ZNF565: variants seen among roughly 807,000 people sequenced by gnomAD.
ZNF565 encodes the protein zinc finger protein 565.
ZNF565 carries 27 observed loss-of-function variants against 39.4 expected under a neutral mutation model. The ratio of observed to expected loss-of-function variants is 0.69; its 90% CI spans 0.51 to 0.95. ZNF565 has a LOEUF of 0.95. Ranked by LOEUF, ZNF565 falls within the 40% of genes least tolerant of loss-of-function variation. The pLI is 0.00. For synonymous variants in ZNF565, 185 were observed against 216.6 expected (o/e 0.85, Z 1.28); for missense variants, 524 against 621.1 (o/e 0.84, Z 1.66).
chr19:36,203,164 G>A (rs997865591), intron 1 of ZNF565, among the ~76,000 whole-genome samples: 2 of 151,910 alleles, frequency 1.3e-5, no homozygotes, highest in African/African-American at 2.4e-5. Flanking sequence ...GAGAAACCCC[G>A]TCTCAACTAA....
intron 1 of ZNF565, among the ~76,000 whole-genome samples, chr19:36,233,997 C>G: frequency 6.6e-6 from 1 of 152,184 alleles, no homozygotes; most frequent in Non-Finnish European, 1.5e-5. Flanking sequence ...AAACCTTGGA[C>G]AATACCTGGC....
At chr19:36,215,218 T>C (rs1195357024), upstream of ZNF565, 1 of 152,300 alleles carries the variant, frequency 6.6e-6, no homozygotes, top group African/African-American at 2.4e-5. Context: ...GCGTCTCGGG[T>C]CGGTCGGACC....
intron 1 of ZNF565, among the ~76,000 whole-genome samples, chr19:36,244,509 C>T (rs1203044320): frequency 6.6e-6 from 1 of 151,974 alleles, no homozygotes; most frequent in Non-Finnish European, 1.5e-5. Flanking sequence ...ATCGTGCACT[C>T]CGACCTGGGC....
intron 4 of ZNF565, among the ~76,000 whole-genome samples, chr19:36,193,430 TTTTC>T (rs1207619235): frequency 2.0e-5 from 3 of 150,824 alleles, no homozygotes; most frequent in Non-Finnish European, 4.4e-5. Flanking sequence ...GAAAATAAGT[TTTTC>T]TTTTTTCTTT....
intron 1 of ZNF565, among the ~76,000 whole-genome samples, chr19:36,242,333 C>T (rs550611192): frequency 2.6e-5 from 4 of 152,072 alleles, no homozygotes; most frequent in African/African-American, 4.8e-5. Flanking sequence ...TGACTGAACA[C>T]GGGAGGTGGA....
intron 1 of ZNF565, among the ~76,000 whole-genome samples, chr19:36,211,431 C>T (rs541027874): frequency 1.5e-5 from 2 of 134,426 alleles, no homozygotes; most frequent in South Asian, 4.9e-4. Flanking sequence ...GCAACAAGAG[C>T]CAAACTCCAA....
At chr19:36,191,193 C>T (rs2145313715) in intron 4 of ZNF565, among the ~76,000 whole-genome samples, 1 of 151,242 alleles carries the variant, frequency 6.6e-6, no homozygotes, top group East Asian at 1.9e-4. Context: ...CCACAGATTG[C>T]AGTTTGCCGA....
At chr19:36,231,303 G>A (rs1261784620) in intron 1 of ZNF565, among the ~76,000 whole-genome samples, 15 of 151,726 alleles carry the variant, frequency 9.9e-5, no homozygotes, top group Admixed American at 7.9e-4. Flanking sequence ...TCTGCCTCCC[G>A]GGTTCAAGTG....
intron 4 of ZNF565, among the ~76,000 whole-genome samples, chr19:36,189,262 C>T (rs1371731414): frequency 6.6e-6 from 1 of 151,978 alleles, no homozygotes; most frequent in Non-Finnish European, 1.5e-5. Flanking sequence ...ACACTCCAGC[C>T]TGGGCAACAG....
intron 1 of ZNF565, among the ~76,000 whole-genome samples, chr19:36,230,864 C>T (rs995739310): frequency 2.0e-5 from 3 of 152,042 alleles, no homozygotes; most frequent in Non-Finnish European, 4.4e-5. Context: ...TACAGTGGTG[C>T]GATCTCGGCT....
At chr19:36,222,290 G>A (rs912235967) in intron 1 of ZNF565, among the ~76,000 whole-genome samples, 4 of 152,122 alleles carry the variant, frequency 2.6e-5, no homozygotes, top group Non-Finnish European at 4.4e-5. Flanking sequence ...TAAATAAGAT[G>A]TCATTATTTG....
intron 4 of ZNF565, among the ~76,000 whole-genome samples, chr19:36,188,532 C>T (rs1056915339): frequency 6.0e-5 from 9 of 151,158 alleles, no homozygotes; most frequent in East Asian, 5.9e-4. Context: ...GCCAATGTGG[C>T]GAAACCCCGT....
intron 1 of ZNF565, among the ~76,000 whole-genome samples, chr19:36,234,191 C>T (rs545726891): frequency 6.6e-6 from 1 of 152,284 alleles, no homozygotes; most frequent in Non-Finnish European, 1.5e-5. Context: ...TCAGTGAGCA[C>T]AGGGTTGGGG....
rs1555744552 is a variant in ZNF565 at position 36,241,802 on chromosome 19, A to AAAT, written c.55+3673_55+3674insATT. Among the ~76,000 whole-genome samples, 586 of 139,530 alleles carry AAAT rather than the reference A, an allele frequency of 4.2e-3. 10 individuals carry two copies. The highest frequency in any genetic ancestry group is 6.0e-3 in the Non-Finnish European group (381 of 64,006). 91.5% of individuals were successfully genotyped at this position (139,530 alleles called of 152,430 possible). ...GTGTCAAAAAAAAAAAAAAAAAAAA[A>AAAT]AGCTGGGACAATTGAGGTACAAAGA... On this transcript the variant is annotated intron_variant, in intron 1 of 4. Coordinates refer to the ZNF565 transcript ENST00000355114.
chr19:36,184,100 A>AAAAAAC (rs1975201633), intron 4 of ZNF565, among the ~76,000 whole-genome samples: 1 of 149,748 alleles, frequency 6.7e-6, no homozygotes, highest in African/African-American at 2.4e-5. Context: ...AAAAAAAAAA[A>AAAAAAC]AAACTATAGT....
chr19:36,200,530 C>A (rs1487262316), intron 2 of ZNF565, among the ~76,000 whole-genome samples: 10 of 151,376 alleles, frequency 6.6e-5, no homozygotes, highest in Non-Finnish European at 1.5e-5. Context: ...ACTCTGTCAC[C>A]CAGGCTGGAG....
intron 1 of ZNF565, among the ~76,000 whole-genome samples, chr19:36,238,982 T>C (rs372518129): frequency 2.6e-5 from 4 of 152,274 alleles, no homozygotes; most frequent in South Asian, 4.1e-4. Context: ...GCGCTTCTTA[T>C]GAGAATGTAA....
At chr19:36,219,701 C>T (rs1297572126) in intron 1 of ZNF565, among the ~76,000 whole-genome samples, 5 of 152,060 alleles carry the variant, frequency 3.3e-5, no homozygotes, top group African/African-American at 9.7e-5. Flanking sequence ...AAAACCAATA[C>T]ATAATTCTTG....
chr19:36,222,778 CT>C (rs55668684), intron 1 of ZNF565, among the ~76,000 whole-genome samples: 6,838 of 100,716 alleles, frequency 0.068, 100 homozygotes, highest in Non-Finnish European at 0.082. Context: ...TGAGTGGTGG[CT>C]TTTTTTTTTT....
Sources: allele counts gnomAD v4.1 joint callset (sites outside exome capture counted in the v4.1 genomes callset), GRCh38; gene constraint gnomAD v4.1.1; transcripts MANE v1.5; gene names NCBI Gene and HGNC (gene_info 2026-07-23, HGNC 2026-07-21).